The following EFNB3 variants were observed in gnomAD, a reference collection of about 807,000 sequenced individuals.
EFNB3 encodes the protein ephrin-B3.
In EFNB3, 14 loss-of-function variants were observed where a neutral mutation model predicts 29.8. The ratio of observed to expected loss-of-function variants is 0.47; its 90% CI spans 0.31 to 0.73. The LOEUF (loss-of-function observed/expected upper bound fraction) is 0.73, where lower values mean the gene tolerates loss of function less well. Among genes scored for constraint, EFNB3 ranks in the 30% least tolerant of loss-of-function variants. The pLI, the probability that EFNB3 is intolerant of heterozygous loss-of-function variation, is 0.05. For missense variants in EFNB3, 408 were observed against 458.0 expected, an observed-to-expected ratio of 0.89 and a Z score of 1.00; for synonymous variants, 216 against 191.6, an observed-to-expected ratio of 1.13 and a Z score of -1.05.
rs2074339888 is a variant in EFNB3, at chr17:7,709,293, G to T, written c.740G>T (p.Gly247Val). ...LLLLGVAGAG[G>V]AMCWRRRRAK... ...TTGCTGGGCGTGGCAGGGGCTGGGGGTGCCATGTGTTGGCGGAGACGGCGG... is the reference window on the plus strand; with the variant it reads ...TTGCTGGGCGTGGCAGGGGCTGGGGTTGCCATGTGTTGGCGGAGACGGCGG... Residue 247 changes from glycine to valine, a missense_variant, in exon 5 of 5, where the codon GGT becomes GTT. Around this residue, in one of 3 missense-constraint regions of EFNB3, gnomAD observed 233 missense variants for 230.7 expected, o/e 1.01. Transcript: ENST00000226091. This position sits in a 1 kb window ranked among gnomAD's most constrained non-coding sequence, Gnocchi z 4.5. 2 of 1,579,188 alleles carry T rather than the reference G, an allele frequency of 1.3e-6. No individual in the cohort carries two copies. Among genetic ancestry groups the T allele is most frequent in the Non-Finnish European group, 1.7e-6 (2 of 1,165,792 alleles).
chr17:7,709,036 G>A lies in EFNB3; in HGVS notation c.614-131G>A. 1 of 952,392 alleles carries A rather than the reference G, an allele frequency of 1.0e-6. No homozygotes were observed. The highest frequency in any genetic ancestry group is 1.5e-5 in the South Asian group (1 of 68,690). 59.0% of individuals were successfully genotyped at this position (952,392 alleles called of 1,614,324 possible). ...CTGAGCAGAGTTCGGAGGGGGAGGA[G>A]AGATGGGGTCCCCAAGGGGCCTGGG... On this transcript the variant is annotated intron_variant, in intron 4 of 4. Coordinates refer to ENST00000226091, the MANE Select transcript of EFNB3 (RefSeq NM_001406.4). The surrounding 1 kb of genome is among the most constrained non-coding windows in gnomAD (Gnocchi z 4.5).
chr17:7,709,111 C>A lies in EFNB3; in HGVS notation c.614-56C>A. ...CCCCCAGGGTTGGGTGTCCAGGTGC[C>A]CAGGTGGCTCCTTCAGTCCCTCCCC... On this transcript the variant is annotated intron_variant, in intron 4 of 4. Coordinates refer to ENST00000226091, the MANE Select transcript of EFNB3 (RefSeq NM_001406.4). This position sits in a 1 kb window ranked among gnomAD's most constrained non-coding sequence, Gnocchi z 4.5. The A allele has an allele frequency of 6.4e-7, 1 of 1,551,382 alleles. No homozygotes were observed. Among genetic ancestry groups the A allele is most frequent in the African/African-American group, 1.4e-5 (1 of 73,132 alleles).
Position 7,708,322 on chromosome 17 carries a change from C to T in EFNB3, c.415+72C>T, listed in dbSNP as rs1018508984. The T allele has an allele frequency of 1.9e-6, 3 of 1,583,734 alleles. No individual in the cohort carries two copies. The Admixed American group carries it at 5.1e-5, about 27-fold the overall frequency. ...GAGCAGAGAGGGAGGGGGACCCCTGCAGCCAAGAGGGAGATCCCAGTGCCC... is the reference window on the plus strand; with the variant it reads ...GAGCAGAGAGGGAGGGGGACCCCTGTAGCCAAGAGGGAGATCCCAGTGCCC... On this transcript the variant is annotated intron_variant, in intron 2 of 4. Coordinates refer to ENST00000226091, the MANE Select transcript of EFNB3 (RefSeq NM_001406.4). This position sits in a 1 kb window ranked among gnomAD's most constrained non-coding sequence, Gnocchi z 6.8.
In EFNB3 at chr17:7,707,930, C is replaced by T. The variant is rs772299429; in HGVS notation, c.123-28C>T. On this transcript the variant is annotated intron_variant, in intron 1 of 4. Transcript: ENST00000226091. ...GGGGCCAGGCCTCTGACATCTCTTC[C>T]TTGTCCACCTTACCCTCCTCCCCAT... 1.1e-5 allele frequency: 18 copies of T among 1,576,144 alleles called. No individual in the cohort carries two copies. The South Asian group carries it at 2.1e-4, about 19-fold the overall frequency.
Position 7,709,152 on chromosome 17 carries a change from C to T in EFNB3, c.614-15C>T, listed in dbSNP as rs190525302. On this transcript the variant is annotated splice_polypyrimidine_tract_variant and intron_variant, in intron 4 of 4. Coordinates refer to ENST00000226091, the MANE Select transcript of EFNB3 (RefSeq NM_001406.4). The surrounding 1 kb of genome is among the most constrained non-coding windows in gnomAD (Gnocchi z 4.5). ...GTCCCTCCCCCTCTTTCCTCCTTCACCCCTTCCCTGCCAGGTGACCCCACC... is the reference window on the plus strand; with the variant it reads ...GTCCCTCCCCCTCTTTCCTCCTTCATCCCTTCCCTGCCAGGTGACCCCACC... 1.4e-3 allele frequency: 2,308 copies of T among 1,594,800 alleles called. 5 individuals carry two copies. Among genetic ancestry groups the T allele is most frequent in the Middle Eastern group, 3.4e-3 (19 of 5,620 alleles).
Position 7,708,774 on chromosome 17 carries a change from G to C in EFNB3, c.613+35G>C. 1 of 1,501,520 alleles carries C rather than the reference G, an allele frequency of 6.7e-7. No individual in the cohort carries two copies. The highest frequency in any genetic ancestry group is 1.4e-5 in the African/African-American group (1 of 70,996). 93.0% of individuals were successfully genotyped at this position (1,501,520 alleles called of 1,614,324 possible). A position where few individuals can be genotyped will look rare whatever the true frequency, so the allele number is the denominator to read the frequency against. On this transcript the variant is annotated intron_variant, in intron 4 of 4. Transcript: ENST00000226091. This position sits in a 1 kb window ranked among gnomAD's most constrained non-coding sequence, Gnocchi z 6.8. Reference sequence around the variant, plus strand: ...AGGGGCTAGGCCCCTGCCTTCCCCAGCTTCCTCTGCTCTCAGACCCCAGCT... The same window carrying C: ...AGGGGCTAGGCCCCTGCCTTCCCCACCTTCCTCTGCTCTCAGACCCCAGCT...
Position 7,708,131 on chromosome 17 carries a change from A to C in EFNB3, c.296A>C (p.Asn99Thr). ...CGCTGTGAGGCACCCCCTGCCCCAA[A>C]CCTCCTTCTCACTTGTGATCGCCCA... ...GRRCEAPPAP[N>T]LLLTCDRPDL... Residue 99 changes from asparagine to threonine, a missense_variant, in exon 2 of 5, where the codon AAC (asparagine) becomes ACC (threonine). Around this residue, in one of 3 missense-constraint regions of EFNB3, gnomAD observed 128 missense variants for 140.8 expected, o/e 0.91. Transcript: ENST00000226091. This position sits in a 1 kb window ranked among gnomAD's most constrained non-coding sequence, Gnocchi z 6.8. 1 of 1,613,818 alleles carries C rather than the reference A, an allele frequency of 6.2e-7. No individual in the cohort carries two copies. The highest frequency in any genetic ancestry group is 8.5e-7 in the Non-Finnish European group (1 of 1,179,926).
intron 1 of EFNB3, among the ~76,000 whole-genome samples, chr17:7,707,570 G>A (rs1267747630): frequency 6.6e-6 from 1 of 152,332 alleles, no homozygotes; most frequent in South Asian, 2.1e-4. Context: ...GGCTGCCATG[G>A]AATAGTGAAA....
At chr17:7,706,540 G>C in intron 1 of EFNB3, among the ~76,000 whole-genome samples, 1 of 152,142 alleles carries the variant, frequency 6.6e-6, no homozygotes, top group East Asian at 1.9e-4. Context: ...GGTCACCTGG[G>C]TCCCTTGCCT....
Position 7,709,097 on chromosome 17 carries a change from G to A in EFNB3, c.614-70G>A, listed in dbSNP as rs1161824632. The A allele has an allele frequency of 3.5e-5, 52 of 1,486,500 alleles. No individual in the cohort carries two copies. The South Asian group carries it at 6.0e-4, about 17-fold the overall frequency. 92.1% of individuals were successfully genotyped at this position (1,486,500 alleles called of 1,614,324 possible). A position where few individuals can be genotyped will look rare whatever the true frequency, so the allele number is the denominator to read the frequency against. The stretch of plus-strand genomic sequence containing the variant: ...GAAGCCCATGGGGACCCCCAGGGTT[G>A]GGTGTCCAGGTGCCCAGGTGGCTCC... On this transcript the variant is annotated intron_variant, in intron 4 of 4. Coordinates refer to ENST00000226091, the MANE Select transcript of EFNB3 (RefSeq NM_001406.4). This position sits in a 1 kb window ranked among gnomAD's most constrained non-coding sequence, Gnocchi z 4.5.
chr17:7,707,835 C>A lies in EFNB3; in HGVS notation c.123-123C>A, dbSNP rs1381940049. ...TATAAGAAGAGACTTTCCACTCAGA[C>A]AAAGGCGGGCAAGCGTGAGCTGAGA... On this transcript the variant is annotated intron_variant, in intron 1 of 4. Coordinates refer to ENST00000226091, the MANE Select transcript of EFNB3 (RefSeq NM_001406.4). The A allele has an allele frequency of 1.6e-5, 18 of 1,141,572 alleles. No homozygotes were observed. In the East Asian group the frequency reaches 1.9e-4, roughly 12 times the overall value. The allele number at this position is 1,141,572 out of a possible 1,614,324, so 70.7% of individuals were successfully genotyped here. A position where few individuals can be genotyped will look rare whatever the true frequency, so the allele number is the denominator to read the frequency against.
In EFNB3 at chr17:7,705,297, G is replaced by A. The variant is rs1418154439; in HGVS notation, c.-302G>A. The A allele has an allele frequency of 9.6e-6, 2 of 209,216 alleles. No individual in the cohort carries two copies. Among genetic ancestry groups the A allele is most frequent in the South Asian group, 1.3e-4 (1 of 7,518 alleles). 13.0% of individuals were successfully genotyped at this position (209,216 alleles called of 1,614,324 possible). A position where few individuals can be genotyped will look rare whatever the true frequency, so the allele number is the denominator to read the frequency against. ...GCTCCCTGGTCCGGCGCCCCATGCC[G>A]CCCCCGCCCGGTCCCCGGCTCCCCC... On this transcript the variant is annotated 5_prime_UTR_variant, in exon 1 of 5. Transcript: ENST00000226091. This position sits in a 1 kb window ranked among gnomAD's most constrained non-coding sequence, Gnocchi z 5.4.
rs1009150307 is a variant in EFNB3, at chr17:7,709,900, G to A, written c.*324G>A. The A allele has an allele frequency of 2.2e-6, 1 of 454,112 alleles. No homozygotes were observed. The highest frequency in any genetic ancestry group is 3.9e-6 in the Non-Finnish European group (1 of 254,390). 28.1% of individuals were successfully genotyped at this position (454,112 alleles called of 1,614,324 possible). A position where few individuals can be genotyped will look rare whatever the true frequency, so the allele number is the denominator to read the frequency against. Reference sequence around the variant, plus strand: ...GTCCCCCTCACCCACCCAGAGCTAGGGGCGGGAACAGCCCACCTTTTGGTT... The same window carrying A: ...GTCCCCCTCACCCACCCAGAGCTAGAGGCGGGAACAGCCCACCTTTTGGTT... On this transcript the variant is annotated 3_prime_UTR_variant, in exon 5 of 5. Coordinates refer to ENST00000226091, the MANE Select transcript of EFNB3 (RefSeq NM_001406.4). This position sits in a 1 kb window ranked among gnomAD's most constrained non-coding sequence, Gnocchi z 4.5.
chr17:7,705,688 G>T lies in EFNB3; in HGVS notation c.90G>T (p.Leu30=), dbSNP rs1490480351. The T allele has an allele frequency of 6.4e-7, 1 of 1,553,626 alleles. No homozygotes were observed. The change falls in exon 1 of 5, where the codon CTG becomes CTT. Residue 30 remains leucine, a synonymous_variant. Transcript: ENST00000226091. The surrounding 1 kb of genome is among the most constrained non-coding windows in gnomAD (Gnocchi z 5.4). ...GVLGLVSGLS[L]EPVYWNSANK... ...TGGGGCTGGTGTCTGGGCTCAGCCT[G>T]GAGCCTGTCTACTGGAACTCGGCGA...
chr17:7,708,710 G>C lies in EFNB3; in HGVS notation c.584G>C (p.Ser195Thr), dbSNP rs981546492. 1.9e-6 allele frequency: 3 copies of C among 1,571,112 alleles called. No homozygotes were observed. The highest frequency in any genetic ancestry group is 1.4e-5 in the African/African-American group (1 of 73,946). The change falls in exon 4 of 5, where the codon AGC (serine) becomes ACC (threonine). Residue 195 changes from serine (S) to threonine (T), a missense_variant. Coordinates refer to ENST00000226091, the MANE Select transcript of EFNB3 (RefSeq NM_001406.4). The surrounding 1 kb of genome is among the most constrained non-coding windows in gnomAD (Gnocchi z 6.8). ...PMERDRGAAHSLEPGKENLPG... is the reference protein window; with the variant it reads ...PMERDRGAAHTLEPGKENLPG... ...GAAAGAGACCGAGGGGCAGCCCACA[G>C]CCTGGAGCCTGGGAAGGAGAACCTG...
rs34950266 is a variant in EFNB3 at position 7,709,988 on chromosome 17, C to T, written c.*412C>T. 279 of 297,360 alleles carry T rather than the reference C, an allele frequency of 9.4e-4. 1 individual carries two copies. Among genetic ancestry groups the T allele is most frequent in the Non-Finnish European group, 1.5e-3 (229 of 157,204 alleles). The allele number at this position is 297,360 out of a possible 1,614,324, so 18.4% of individuals were successfully genotyped here. ...TCTCTATCTCTTATTCTTTCCCTCT[C>T]TTCCGTCTCTAGGTCTGTTCTTCTT... On this transcript the variant is annotated 3_prime_UTR_variant, in exon 5 of 5. Coordinates refer to ENST00000226091, the MANE Select transcript of EFNB3 (RefSeq NM_001406.4). The surrounding 1 kb of genome is among the most constrained non-coding windows in gnomAD (Gnocchi z 4.5).
chr17:7,705,836 G>A lies in EFNB3; in HGVS notation c.122+116G>A. The A allele has an allele frequency of 7.8e-7, 1 of 1,280,852 alleles. No homozygotes were observed. Among genetic ancestry groups the A allele is most frequent in the Non-Finnish European group, 1.1e-6 (1 of 950,258 alleles). The allele number at this position is 1,280,852 out of a possible 1,614,324, so 79.3% of individuals were successfully genotyped here. ...AGGAGGCGGGAGGGAAGGTGCTGGT[G>A]CTCTGATGTGTGATGGGTTACTAGA... On this transcript the variant is annotated intron_variant, in intron 1 of 4. Coordinates refer to ENST00000226091, the MANE Select transcript of EFNB3 (RefSeq NM_001406.4). The surrounding 1 kb of genome is among the most constrained non-coding windows in gnomAD (Gnocchi z 5.4).
At chr17:7,707,672 G>C (rs1422266889) in intron 1 of EFNB3, among the ~76,000 whole-genome samples, 1 of 152,208 alleles carries the variant, frequency 6.6e-6, no homozygotes, top group Admixed American at 6.5e-5. Context: ...TGGTGATGGA[G>C]CGGGAGATGG....
chr17:7,708,656 C>A lies in EFNB3; in HGVS notation c.530C>A (p.Pro177His). 6.3e-7 allele frequency: 1 copy of A among 1,580,014 alleles called. No individual in the cohort carries two copies. Among genetic ancestry groups the A allele is most frequent in the Non-Finnish European group, 8.6e-7 (1 of 1,162,274 alleles). ...VGQSPRGGAV[P>H]RKPVSEMPME... ...CCAGGTCCCCGAGGAGGGGCTGTCC[C>A]CCGAAAACCTGTGTCTGAAATGCCC... Residue 177 changes from proline to histidine, a missense_variant, in exon 4 of 5, where the codon CCC becomes CAC. Coordinates refer to ENST00000226091, the MANE Select transcript of EFNB3 (RefSeq NM_001406.4). This position sits in a 1 kb window ranked among gnomAD's most constrained non-coding sequence, Gnocchi z 6.8.
Sources: allele counts gnomAD v4.1 joint callset (sites outside exome capture counted in the v4.1 genomes callset), GRCh38; gene constraint gnomAD v4.1.1; regional missense constraint gnomAD v4.1.1; non-coding constraint Gnocchi (gnomAD v3.1); transcripts MANE v1.5; gene names NCBI Gene and HGNC (gene_info 2026-07-23, HGNC 2026-07-21).